Variants in GPC6 observed in about 807,000 individuals in gnomAD.
GPC6 encodes the protein glypican-6.
GPC6 carries 14 observed loss-of-function variants against 55.2 expected under a neutral mutation model. That is an observed-to-expected ratio of 0.25 (90% CI 0.17 to 0.40). The LOEUF is 0.40. Among genes scored for constraint, GPC6 ranks in the 10% least tolerant of loss-of-function variants. GPC6 has a pLI of 1.00. For missense variants in GPC6, 641 were observed against 708.5 expected (o/e 0.90, Z 1.08); for synonymous variants, 278 against 259.6 (o/e 1.07, Z -0.68).
chr13:93,895,343 A>G (rs1451773661), intron 3 of GPC6, among the ~76,000 whole-genome samples: 2 of 149,158 alleles, frequency 1.3e-5, no homozygotes, highest in Non-Finnish European at 3.0e-5. Flanking sequence ...CTGGGCAATC[A>G]TCTGTCAGGA....
intron 2 of GPC6, among the ~76,000 whole-genome samples, chr13:93,643,804 G>A (rs965355694): frequency 1.3e-5 from 2 of 152,054 alleles, no homozygotes; most frequent in Non-Finnish European, 2.9e-5. Flanking sequence ...TTAGGGTGAC[G>A]TATTCTGCCA....
intron 4 of GPC6, among the ~76,000 whole-genome samples, chr13:94,283,330 A>C (rs199537694): frequency 2.0e-5 from 3 of 152,354 alleles, no homozygotes; most frequent in East Asian, 1.9e-4. Flanking sequence ...TCTCCATTGC[A>C]TAGATTAAGA....
intron 2 of GPC6, among the ~76,000 whole-genome samples, chr13:93,594,257 T>C (rs1007344421): frequency 2.0e-5 from 3 of 152,050 alleles, no homozygotes; most frequent in Non-Finnish European, 4.4e-5. Flanking sequence ...ACAGATTATT[T>C]CGTCACCCAG....
chr13:94,124,802 A>G (rs1223227359), intron 4 of GPC6, among the ~76,000 whole-genome samples: 1 of 152,126 alleles, frequency 6.6e-6, no homozygotes, highest in East Asian at 1.9e-4. Context: ...CTTTAAAGAT[A>G]ATATGAATAA....
Position 93,768,505 on chromosome 13 carries a change from G to T in GPC6, c.320-61649G>T, listed in dbSNP as rs867280105. Among the ~76,000 whole-genome samples, 11 of 152,032 alleles carry T rather than the reference G, an allele frequency of 7.2e-5. No homozygotes were observed. In the South Asian group the frequency reaches 1.9e-3, roughly 26 times the overall value. On this transcript the variant is annotated intron_variant, in intron 2 of 8. Transcript: ENST00000377047. ...CTAAAACTAACCCTGACACATACCG[G>T]CCACTCGGTAAATATGGGTTGAATG...
At chr13:93,980,129 C>T (rs1247599680) in intron 3 of GPC6, among the ~76,000 whole-genome samples, 10 of 152,064 alleles carry the variant, frequency 6.6e-5, no homozygotes, top group African/African-American at 2.4e-4. Flanking sequence ...ACAACACTTC[C>T]ATAAAATCCA....
intron 3 of GPC6, among the ~76,000 whole-genome samples, chr13:93,882,571 T>A (rs148238230): frequency 1.4e-4 from 22 of 152,280 alleles, no homozygotes; most frequent in Admixed American, 1.4e-3. Flanking sequence ...TGGTTGATTT[T>A]TTTTTAATTT....
At chr13:93,841,364 T>C (rs907535051) in intron 3 of GPC6, among the ~76,000 whole-genome samples, 1 of 152,208 alleles carries the variant, frequency 6.6e-6, no homozygotes. Context: ...GGGTATGTTA[T>C]TACATTTTGT....
At chr13:94,070,633 A>C (rs1473193919) in intron 4 of GPC6, among the ~76,000 whole-genome samples, 1 of 152,216 alleles carries the variant, frequency 6.6e-6, no homozygotes, top group African/African-American at 2.4e-5. Context: ...TGAATACTTA[A>C]AGTCTATCCT....
At chr13:93,758,366 TGTATCCA>T (rs1884847963) in intron 2 of GPC6, among the ~76,000 whole-genome samples, 1 of 152,168 alleles carries the variant, frequency 6.6e-6, no homozygotes, top group Non-Finnish European at 1.5e-5. Context: ...TCTCCACCAA[TGTATCCA>T]GGTTTATTTC....
intron 6 of GPC6, among the ~76,000 whole-genome samples, chr13:94,347,292 G>T (rs750762237): frequency 2.6e-5 from 4 of 152,088 alleles, no homozygotes; most frequent in African/African-American, 9.7e-5. Flanking sequence ...GCTGATTTTT[G>T]ATTGGAAATA....
At chr13:94,328,147 T>C (rs185206343) in intron 6 of GPC6, among the ~76,000 whole-genome samples, 2 of 152,162 alleles carry the variant, frequency 1.3e-5, no homozygotes, top group East Asian at 3.9e-4. Context: ...GAGAAACTTA[T>C]TAAAATACTG....
At chr13:94,081,772 T>C (rs1885103817) in intron 4 of GPC6, among the ~76,000 whole-genome samples, 1 of 152,024 alleles carries the variant, frequency 6.6e-6, no homozygotes, top group African/African-American at 2.4e-5. Context: ...CTCCCAATTA[T>C]ACCGCACAGA....
At chr13:93,370,228 G>C (rs1274342140) in intron 1 of GPC6, among the ~76,000 whole-genome samples, 1 of 152,012 alleles carries the variant, frequency 6.6e-6, no homozygotes, top group Non-Finnish European at 1.5e-5. Context: ...ATAATGTAAA[G>C]GTTTTTGAAC....
chr13:93,479,652 G>A (rs1879439735), intron 1 of GPC6, among the ~76,000 whole-genome samples: 1 of 152,028 alleles, frequency 6.6e-6, no homozygotes, highest in Non-Finnish European at 1.5e-5. Flanking sequence ...AGCTAGGTGT[G>A]GTGGTATGCT....
At chr13:94,110,965 T>C (rs748174220) in intron 4 of GPC6, among the ~76,000 whole-genome samples, 33 of 152,152 alleles carry the variant, frequency 2.2e-4, no homozygotes, top group African/African-American at 5.8e-4. Flanking sequence ...GTTGTACAAA[T>C]ATAAGTTTCC....
rs1875188627 is a variant in GPC6, at chr13:93,381,883, T to A, written c.160+154267T>A. Among the ~76,000 whole-genome samples, 3 of 152,268 alleles carry A rather than the reference T, an allele frequency of 2.0e-5. No homozygotes were observed. The South Asian group carries it at 6.2e-4, about 32-fold the overall frequency. ...CACATACATGTTGTTGCTGACTACT[T>A]ACCAGTCATAATTACAGGGGTTTAA... is the stretch of plus-strand genomic sequence containing the variant. On this transcript the variant is annotated intron_variant, in intron 1 of 8. Coordinates refer to ENST00000377047, the MANE Select transcript of GPC6 (RefSeq NM_005708.5).
chr13:93,781,483 A>T (rs1026412047), intron 2 of GPC6, among the ~76,000 whole-genome samples: 1 of 152,182 alleles, frequency 6.6e-6, no homozygotes, highest in African/African-American at 2.4e-5. Context: ...GATTTTGTAC[A>T]CATCCAGGAT....
intron 1 of GPC6, among the ~76,000 whole-genome samples, chr13:93,375,395 C>T (rs1185568829): frequency 6.6e-6 from 1 of 152,118 alleles, no homozygotes; most frequent in African/African-American, 2.4e-5. Flanking sequence ...TTTCTTTTAA[C>T]CTCAGCTTTA....
Sources: gnomAD v4.1 joint callset for allele counts (sites outside exome capture counted in the v4.1 genomes callset) on GRCh38, gnomAD v4.1.1 for gene constraint, MANE v1.5 for transcripts, NCBI Gene and HGNC (gene_info 2026-07-23, HGNC 2026-07-21) for gene names.